The following WWOX variants were observed in gnomAD, a reference collection of about 807,000 sequenced individuals.
WWOX encodes WW domain containing oxidoreductase, also known as WW domain-containing oxidoreductase.
In WWOX, 69 loss-of-function variants were observed where a neutral mutation model predicts 46.2. The observed-to-expected ratio is 1.49, with a 90% CI of 1.23 to 1.82. The LOEUF (loss-of-function observed/expected upper bound fraction) is 1.82, where lower values mean the gene tolerates loss of function less well. WWOX is among the 40% of genes most tolerant of loss of function. The pLI is 0.00. For missense variants in WWOX, 919 were observed against 542.6 expected (o/e 1.69, Z -6.89); for synonymous variants, 359 against 202.6 (o/e 1.77, Z -6.56).
chr16:78,431,399 A>G (rs932926174), intron 7 of WWOX, among the ~76,000 whole-genome samples: 3 of 152,190 alleles, frequency 2.0e-5, no homozygotes, highest in East Asian at 1.9e-4. Context: ...CTTGGAGACA[A>G]CAAGACTCAT....
At chr16:78,353,668 A>C (rs745318666) in intron 5 of WWOX, among the ~76,000 whole-genome samples, 1 of 152,242 alleles carries the variant, frequency 6.6e-6, no homozygotes, top group Non-Finnish European at 1.5e-5. Context: ...AAGATTAGAG[A>C]TGTAACTCTG....
At chr16:78,312,437 G>T (rs1181360231) in intron 5 of WWOX, among the ~76,000 whole-genome samples, 1 of 148,248 alleles carries the variant, frequency 6.7e-6, no homozygotes, top group Non-Finnish European at 1.5e-5. Flanking sequence ...GAGTGCAATG[G>T]CATGATTTCT....
At chr16:78,432,782 A>G (rs1319702128) in intron 8 of WWOX, 30 bp downstream of exon 8, 1 of 1,613,826 alleles carries the variant, frequency 6.2e-7, no homozygotes, top group Admixed American at 1.7e-5. Context: ...CGCCGCAAAC[A>G]CCTTGGGTCC....
rs2036854415 is a variant in WWOX at position 78,220,508 on chromosome 16, A to G, written c.516+56219A>G. The stretch of plus-strand genomic sequence containing the variant: ...GACAGTCTCCCATGGTTATTTTCTG[A>G]TCATAACTTGAAAATCAAAGCTTTC... On this transcript the variant is annotated intron_variant, in intron 5 of 8. Transcript: ENST00000566780. Among the ~76,000 whole-genome samples, 3 of 152,186 alleles carry G rather than the reference A, an allele frequency of 2.0e-5. 1 individual carries two copies. Among genetic ancestry groups the G allele is most frequent in the Admixed American group, 2.0e-4 (3 of 15,292 alleles).
chr16:78,099,756 G>A lies in WWOX; in HGVS notation c.-23G>A. 1.3e-6 allele frequency: 2 copies of A among 1,529,138 alleles called. No homozygotes were observed. Among genetic ancestry groups the A allele is most frequent in the South Asian group, 1.2e-5 (1 of 81,464 alleles). 94.7% of individuals were successfully genotyped at this position (1,529,138 alleles called of 1,614,324 possible). A position where few individuals can be genotyped will look rare whatever the true frequency, so the allele number is the denominator to read the frequency against. Reference sequence around the variant, plus strand: ...GGACCCGGCAGCGGGCGATAGGGGGGCCAGGTGCCTCCACAGTCAGCCATG... The same window carrying A: ...GGACCCGGCAGCGGGCGATAGGGGGACCAGGTGCCTCCACAGTCAGCCATG... On this transcript the variant is annotated 5_prime_UTR_variant, in exon 1 of 9. Coordinates refer to ENST00000566780, the MANE Select transcript of WWOX (RefSeq NM_016373.4).
intron 8 of WWOX, among the ~76,000 whole-genome samples, chr16:78,877,502 C>T (rs2044258357): frequency 1.3e-5 from 2 of 152,208 alleles, no homozygotes; most frequent in East Asian, 1.9e-4. Context: ...TGTTTCTCAC[C>T]ACTCACTATA....
chr16:78,474,351 T>C (rs755093284), intron 8 of WWOX, among the ~76,000 whole-genome samples: 1 of 152,242 alleles, frequency 6.6e-6, no homozygotes, highest in African/African-American at 2.4e-5. Context: ...CAATAGCTTA[T>C]GTTTGCACAT....
intron 8 of WWOX, among the ~76,000 whole-genome samples, chr16:78,954,440 T>C (rs1005483574): frequency 6.6e-6 from 1 of 152,172 alleles, no homozygotes; most frequent in Admixed American, 6.5e-5. Flanking sequence ...GGATAAATGA[T>C]GCATGGATAG....
intron 8 of WWOX, among the ~76,000 whole-genome samples, chr16:78,543,650 C>A (rs1212345933): frequency 1.3e-5 from 2 of 152,270 alleles, no homozygotes; most frequent in Non-Finnish European, 1.5e-5. Flanking sequence ...CAATATTAAA[C>A]CCTCAGTTGT....
intron 8 of WWOX, among the ~76,000 whole-genome samples, chr16:79,092,339 A>G (rs1597368102): frequency 1.3e-5 from 2 of 152,178 alleles, no homozygotes; most frequent in East Asian, 3.9e-4. Flanking sequence ...GGGTGGCTTG[A>G]AAACAGGGCA....
intron 8 of WWOX, among the ~76,000 whole-genome samples, chr16:78,758,944 AAAAAAAAC>A (rs893221462): frequency 1.3e-5 from 2 of 151,846 alleles, no homozygotes; most frequent in African/African-American, 4.8e-5. Context: ...AGACAAAAAA[AAAAAAAAC>A]AAAAAACCTT....
intron 8 of WWOX, among the ~76,000 whole-genome samples, chr16:79,139,158 AAAT>A (rs1420334135): frequency 2.0e-5 from 3 of 152,214 alleles, no homozygotes; most frequent in Non-Finnish European, 4.4e-5. Context: ...TAATAGTTCA[AAAT>A]AATAATAATC....
chr16:78,921,694 C>G (rs1161824003), intron 8 of WWOX, among the ~76,000 whole-genome samples: 3 of 152,138 alleles, frequency 2.0e-5, no homozygotes, highest in African/African-American at 4.8e-5. Flanking sequence ...TGAGTACTAA[C>G]TGTTAAAGTA....
intron 5 of WWOX, among the ~76,000 whole-genome samples, chr16:78,240,383 A>G (rs1046030424): frequency 2.0e-5 from 3 of 152,274 alleles, no homozygotes; most frequent in South Asian, 2.1e-4. Context: ...AGGCTCTGTG[A>G]AGTCAGAGGC....
intron 5 of WWOX, among the ~76,000 whole-genome samples, chr16:78,361,654 C>G (rs1199001156): frequency 6.6e-6 from 1 of 152,090 alleles, no homozygotes; most frequent in African/African-American, 2.4e-5. Flanking sequence ...TCCTGTCGCC[C>G]AGGCTGGAGT....
At chr16:78,681,540 C>G (rs1229455843) in intron 8 of WWOX, among the ~76,000 whole-genome samples, 1 of 116,056 alleles carries the variant, frequency 8.6e-6, no homozygotes, top group Non-Finnish European at 1.7e-5. Flanking sequence ...AGATTTCCTC[C>G]ATATACAAAA....
chr16:78,928,180 C>G (rs577177034), intron 8 of WWOX, among the ~76,000 whole-genome samples: 2 of 150,642 alleles, frequency 1.3e-5, no homozygotes, highest in South Asian at 4.2e-4. Flanking sequence ...GTGTTTGGAA[C>G]TATGCTTTTC....
chr16:78,184,474 G>A (rs1221862529), intron 5 of WWOX, among the ~76,000 whole-genome samples: 1 of 151,934 alleles, frequency 6.6e-6, no homozygotes, highest in East Asian at 1.9e-4. Flanking sequence ...ATTTGTGGAG[G>A]ATTTATATGT....
chr16:78,618,376 C>T (rs1401806443), intron 8 of WWOX, among the ~76,000 whole-genome samples: 1 of 152,188 alleles, frequency 6.6e-6, no homozygotes, highest in East Asian at 1.9e-4. Flanking sequence ...ATCAAGGTGT[C>T]AGCAGGGTTG....
Sources: allele counts gnomAD v4.1 joint callset (sites outside exome capture counted in the v4.1 genomes callset), GRCh38; gene constraint gnomAD v4.1.1; transcripts MANE v1.5; gene names NCBI Gene and HGNC (gene_info 2026-07-23, HGNC 2026-07-21).